The following PARPBP variants were observed in gnomAD, a reference collection of about 807,000 sequenced individuals.
PARPBP encodes the protein PARP1 binding protein.
In PARPBP, 52 loss-of-function variants were observed where a neutral mutation model predicts 50.0. The ratio of observed to expected loss-of-function variants is 1.04; its 90% CI spans 0.83 to 1.31. The LOEUF (loss-of-function observed/expected upper bound fraction) is 1.31, where lower values mean the gene tolerates loss of function less well. Ranked by LOEUF, PARPBP falls within the 50% of genes most tolerant of loss-of-function variation. The pLI, the probability that PARPBP is intolerant of heterozygous loss-of-function variation, is 0.00. For synonymous variants in PARPBP, 244 were observed against 232.1 expected (o/e 1.05, Z -0.47); for missense variants, 697 against 672.0 (o/e 1.04, Z -0.41).
rs73384862 is a variant in PARPBP, at chr12:102,166,219, A to C, written c.821+336A>C. Among the ~76,000 whole-genome samples the C allele has an allele frequency of 8.4e-3, 1,279 of 152,288 alleles. 15 individuals are homozygous for C. The highest frequency in any genetic ancestry group is 0.028 in the African/African-American group (1,155 of 41,580). On this transcript the variant is annotated intron_variant, in intron 6 of 10. Coordinates refer to ENST00000327680, the MANE Select transcript of PARPBP (RefSeq NM_017915.5). ...TATATTTTTTATTTAGCAATAAAGG[A>C]AACTGATATCAAGAATGAGTAAGAA... is the stretch of plus-strand genomic sequence containing the variant.
At position 102,160,809 on chromosome 12, in the gene PARPBP, G is replaced by A. The variant is rs1331723654; in HGVS notation, c.496-3629G>A. 4.6e-5 allele frequency among the ~76,000 whole-genome samples: 7 copies of A among 152,004 alleles called. No homozygotes were observed. In the East Asian group the frequency reaches 5.8e-4, roughly 13 times the overall value. ...ACTAAAAATACAAAATTAGCCAGGC[G>A]TGGCGGCACATGCCTGTAATCTCAG... On this transcript the variant is annotated intron_variant, in intron 4 of 10. Coordinates refer to ENST00000327680, the MANE Select transcript of PARPBP (RefSeq NM_017915.5).
At chr12:102,151,195 A>G (rs1282377896) in intron 3 of PARPBP, among the ~76,000 whole-genome samples, 1 of 152,186 alleles carries the variant, frequency 6.6e-6, no homozygotes, top group African/African-American at 2.4e-5. Context: ...GTACTTGGGA[A>G]AATTCAAGAA....
chr12:102,188,861 T>C (rs1890544067), intron 9 of PARPBP, among the ~76,000 whole-genome samples: 1 of 152,196 alleles, frequency 6.6e-6, no homozygotes, highest in African/African-American at 2.4e-5. Flanking sequence ...AAAAAGATAA[T>C]GTTTTTCCAG....
chr12:102,145,940 A>G (rs1466124712), intron 2 of PARPBP, among the ~76,000 whole-genome samples: 2 of 152,164 alleles, frequency 1.3e-5, no homozygotes, highest in Admixed American at 6.6e-5. Context: ...TTGCTTTCCT[A>G]GTAATAGTAA....
At chr12:102,182,461 T>C in intron 8 of PARPBP, 88 bp from the exon 9 acceptor site, 1 of 863,058 alleles carries the variant, frequency 1.2e-6, no homozygotes, top group South Asian at 1.6e-5. Flanking sequence ...CTAGATTGTA[T>C]TGGGAATTAA....
chr12:102,161,851 CTACTT>C (rs1170081446), intron 4 of PARPBP, among the ~76,000 whole-genome samples: 2 of 152,186 alleles, frequency 1.3e-5, no homozygotes, highest in Non-Finnish European at 2.9e-5. Flanking sequence ...ACATGAATGT[CTACTT>C]TAGACTGGGG....
intron 9 of PARPBP, among the ~76,000 whole-genome samples, chr12:102,186,151 A>G (rs958917113): frequency 6.6e-6 from 1 of 152,070 alleles, no homozygotes; most frequent in Admixed American, 6.6e-5. Context: ...CTGCAATATT[A>G]GTTGTAATGT....
chr12:102,137,877 G>A (rs1181188128), intron 2 of PARPBP, among the ~76,000 whole-genome samples: 1 of 152,152 alleles, frequency 6.6e-6, no homozygotes, highest in Non-Finnish European at 1.5e-5. Flanking sequence ...GTGTATATGT[G>A]CCATATTTTC....
At chr12:102,187,227 A>T (rs116592108) in intron 9 of PARPBP, among the ~76,000 whole-genome samples, 1 of 152,214 alleles carries the variant, frequency 6.6e-6, no homozygotes, top group African/African-American at 2.4e-5. Context: ...CAGAGTGAAG[A>T]GGCATAGAAT....
Position 102,178,777 on chromosome 12 carries a change from T to A in PARPBP, c.1184+7T>A. The A allele has an allele frequency of 6.4e-7, 1 of 1,560,496 alleles. No homozygotes were observed. Among genetic ancestry groups the A allele is most frequent in the Non-Finnish European group, 8.7e-7 (1 of 1,144,624 alleles). On this transcript the variant is annotated splice_region_variant and intron_variant, in intron 8 of 10. Coordinates refer to ENST00000327680, the MANE Select transcript of PARPBP (RefSeq NM_017915.5). The stretch of plus-strand genomic sequence containing the variant: ...CTATTCTTACACTTTTTAGGTAAGT[T>A]ATGTGGAAGTTATATGTGTTATAAA...
chr12:102,170,805 T>C (rs1485216572), intron 6 of PARPBP, among the ~76,000 whole-genome samples: 3 of 152,190 alleles, frequency 2.0e-5, no homozygotes, highest in African/African-American at 7.2e-5. Context: ...TTTTTGAGTC[T>C]TGTAGTAACA....
At chr12:102,149,797 G>A (rs928911497) in intron 3 of PARPBP, among the ~76,000 whole-genome samples, 7 of 152,076 alleles carry the variant, frequency 4.6e-5, no homozygotes, top group Admixed American at 3.9e-4. Context: ...CCGCACACAT[G>A]TACAACTACA....
intron 2 of PARPBP, among the ~76,000 whole-genome samples, chr12:102,124,896 T>C (rs1881731782): frequency 6.6e-6 from 1 of 152,220 alleles, no homozygotes; most frequent in Non-Finnish European, 1.5e-5. Context: ...TAACCATTTC[T>C]CATTTTTGCA....
rs1328219433 is a variant in PARPBP, at chr12:102,130,422, C to T, written c.153+6381C>T. On this transcript the variant is annotated intron_variant, in intron 2 of 10. Coordinates refer to ENST00000327680, the MANE Select transcript of PARPBP (RefSeq NM_017915.5). ...ATTAAACTAGAGAGCTTCTACACAG[C>T]AAACAAAACTATCAACAGAGTAAAC... Among the ~76,000 whole-genome samples the T allele has an allele frequency of 2.6e-5, 4 of 151,728 alleles. No individual in the cohort carries two copies. The East Asian group carries it at 7.7e-4, about 29-fold the overall frequency.
At chr12:102,148,497 A>G in intron 3 of PARPBP, 34 bp downstream of exon 3, 1 of 819,194 alleles carries the variant, frequency 1.2e-6, no homozygotes, top group Non-Finnish European at 1.9e-6. Flanking sequence ...ATTTTAATCA[A>G]ATTAAAATTT....
intron 2 of PARPBP, among the ~76,000 whole-genome samples, chr12:102,135,109 T>A (rs1883423114): frequency 6.6e-6 from 1 of 152,154 alleles, no homozygotes; most frequent in South Asian, 2.1e-4. Flanking sequence ...AGAATTAAAT[T>A]GACATAAGGC....
At chr12:102,147,639 G>A (rs1001939046) in intron 2 of PARPBP, among the ~76,000 whole-genome samples, 5 of 151,748 alleles carry the variant, frequency 3.3e-5, no homozygotes, top group South Asian at 2.1e-4. Context: ...TGGGTGCGGC[G>A]CACCAGCATG....
intron 1 of PARPBP, 66 bp from the exon 2 acceptor site, chr12:102,123,820 A>G: frequency 9.4e-7 from 1 of 1,068,908 alleles, no homozygotes; most frequent in Non-Finnish European, 1.4e-6. Flanking sequence ...GCTTGCCTAT[A>G]CATGTTAAAT....
intron 1 of PARPBP, among the ~76,000 whole-genome samples, chr12:102,120,748 C>G (rs544720808): frequency 3.7e-4 from 56 of 152,294 alleles, no homozygotes; most frequent in Middle Eastern, 3.4e-3. Flanking sequence ...GGGTTATGTA[C>G]TTGTTTCACT....
Sources: gnomAD v4.1 joint callset for allele counts (sites outside exome capture counted in the v4.1 genomes callset) on GRCh38, gnomAD v4.1.1 for gene constraint, MANE v1.5 for transcripts, NCBI Gene and HGNC (gene_info 2026-07-23, HGNC 2026-07-21) for gene names.